The following RREB1 variants were observed in gnomAD, a reference collection of about 807,000 sequenced individuals.
The protein encoded by RREB1 is ras-responsive element-binding protein 1.
RREB1 carries 27 observed loss-of-function variants against 117.8 expected under a neutral mutation model. The observed-to-expected ratio is 0.23, with a 90% CI of 0.17 to 0.32. The LOEUF (loss-of-function observed/expected upper bound fraction) is 0.32. Among genes scored for constraint, RREB1 ranks in the 10% least tolerant of loss-of-function variants. The probability of loss-of-function intolerance (pLI) is 1.00; values close to 1 mark genes in which losing one functional copy is unlikely to be tolerated. For synonymous variants in RREB1, 1,298 were observed against 1,026.7 expected (o/e 1.26, Z -5.05); for missense variants, 2,577 against 2,378.2 (o/e 1.08, Z -1.74).
intron 1 of RREB1, among the ~76,000 whole-genome samples, chr6:7,113,401 T>C (rs1761244719): frequency 6.6e-6 from 1 of 152,256 alleles, no homozygotes; most frequent in South Asian, 2.1e-4. Context: ...CTGATACTTC[T>C]GGTGGTTTAA....
intron 4 of RREB1, chr6:7,184,988 G>A (rs1289750963): frequency 6.6e-6 from 1 of 152,106 alleles, no homozygotes; most frequent in Non-Finnish European, 1.5e-5. Flanking sequence ...TCCTTGTTAT[G>A]TCTTACTTTG....
chr6:7,224,546 C>T (rs1299588642), intron 8 of RREB1, among the ~76,000 whole-genome samples: 4 of 152,056 alleles, frequency 2.6e-5, no homozygotes, highest in Admixed American at 1.3e-4. Flanking sequence ...AAGGAAGGAG[C>T]TCTATCTCCA....
intron 1 of RREB1, among the ~76,000 whole-genome samples, chr6:7,153,115 T>G (rs1212306511): frequency 1.3e-5 from 2 of 151,642 alleles, no homozygotes; most frequent in East Asian, 1.9e-4. Flanking sequence ...GTTTTTTTTT[T>G]TTTTTTTTTT....
intron 6 of RREB1, among the ~76,000 whole-genome samples, chr6:7,204,306 C>G (rs1027846985): frequency 1.3e-5 from 2 of 151,236 alleles, no homozygotes; most frequent in Non-Finnish European, 2.9e-5. Flanking sequence ...TGTCCTCCCC[C>G]CGCCCCCTCC....
At chr6:7,149,389 G>A (rs997784683) in intron 1 of RREB1, among the ~76,000 whole-genome samples, 10 of 152,174 alleles carry the variant, frequency 6.6e-5, no homozygotes, top group African/African-American at 2.4e-4. Flanking sequence ...TGAACTTAAA[G>A]GAAGTCTCAA....
chr6:7,122,861 G>A (rs776476134), intron 1 of RREB1, among the ~76,000 whole-genome samples: 3 of 151,926 alleles, frequency 2.0e-5, no homozygotes, highest in African/African-American at 7.3e-5. Context: ...ATCCAAAATT[G>A]GGGGTGATAA....
chr6:7,178,145 C>T (rs1236468378), intron 2 of RREB1, among the ~76,000 whole-genome samples: 1 of 152,118 alleles, frequency 6.6e-6, no homozygotes, highest in Non-Finnish European at 1.5e-5. Context: ...CAGGTGTGAG[C>T]CACCACACCT....
chr6:7,246,526 A>G lies in RREB1; in HGVS notation c.4076A>G (p.Gln1359Arg), dbSNP rs774227531. The G allele has an allele frequency of 1.2e-4, 184 of 1,546,846 alleles. 1 individual carries two copies. Among genetic ancestry groups the G allele is most frequent in the Middle Eastern group, 1.7e-4 (1 of 6,006 alleles). Reference protein sequence around the residue: ...QPSEGATELRQVAGDAPVEQA... With the variant: ...QPSEGATELRRVAGDAPVEQA... ...TCGGAGGGCGCCACTGAGCTCCGCC[A>G]GGTCGCAGGGGATGCGCCTGTGGAG... The change falls in exon 12 of 13, where the codon CAG (glutamine) becomes CGG (arginine). Residue 1359 changes from glutamine to arginine, a missense_variant. Physicochemically the swap from Gln to Arg is conservative, Grantham distance 43. Coordinates refer to ENST00000379938, the MANE Select transcript of RREB1 (RefSeq NM_001003699.4).
chr6:7,240,311 A>T, intron 10 of RREB1, 127 bp from the exon 11 acceptor site: 1 of 569,100 alleles, frequency 1.8e-6, no homozygotes, highest in Non-Finnish European at 2.9e-6. Context: ...GTGTTTTGTT[A>T]ATTTTCTTGA....
chr6:7,202,355 A>G (rs961487084), intron 6 of RREB1, among the ~76,000 whole-genome samples: 1 of 152,224 alleles, frequency 6.6e-6, no homozygotes, highest in Non-Finnish European at 1.5e-5. Flanking sequence ...GTAAGTAACT[A>G]GGTCCTGCCT....
At chr6:7,151,158 C>T (rs1339142256) in intron 1 of RREB1, among the ~76,000 whole-genome samples, 1 of 152,140 alleles carries the variant, frequency 6.6e-6, no homozygotes, top group Non-Finnish European at 1.5e-5. Flanking sequence ...AAAAGCTTTG[C>T]CCCCTTCACG....
chr6:7,124,290 A>AGG (rs1317568243), intron 1 of RREB1, among the ~76,000 whole-genome samples: 1 of 152,056 alleles, frequency 6.6e-6, no homozygotes, highest in African/African-American at 2.4e-5. Flanking sequence ...GCTCAAGAAA[A>AGG]GGGGGGGAGT....
intron 1 of RREB1, among the ~76,000 whole-genome samples, chr6:7,145,385 C>T (rs1452038607): frequency 6.6e-6 from 1 of 152,214 alleles, no homozygotes. Flanking sequence ...ACTGAAACAT[C>T]ACCAGGAATT....
chr6:7,230,409 C>A lies in RREB1; in HGVS notation c.2310C>A (p.Ile770=). 6.3e-7 allele frequency: 1 copy of A among 1,591,142 alleles called. No individual in the cohort carries two copies. Among genetic ancestry groups the A allele is most frequent in the Non-Finnish European group, 8.5e-7 (1 of 1,173,926 alleles). Reference sequence around the variant, plus strand: ...TCAAGCACTATCGTGCCCTGCGCATCCACATGCGCACGCACTGCGGCCGCG... The same window carrying A: ...TCAAGCACTATCGTGCCCTGCGCATACACATGCGCACGCACTGCGGCCGCG... The part of the protein sequence containing the change: ...EDLKHYRALR[I]HMRTHCGRGL... Residue 770 remains isoleucine, a synonymous_variant, in exon 10 of 13, where the codon ATC becomes ATA. Coordinates refer to ENST00000379938, the MANE Select transcript of RREB1 (RefSeq NM_001003699.4).
At chr6:7,153,237 AT>A (rs559343155) in intron 1 of RREB1, among the ~76,000 whole-genome samples, 1 of 148,044 alleles carries the variant, frequency 6.8e-6, no homozygotes, top group African/African-American at 2.5e-5. Context: ...TAGAACTATT[AT>A]TTTTTTTTAA....
intron 1 of RREB1, among the ~76,000 whole-genome samples, chr6:7,123,365 T>C (rs1353267937): frequency 6.6e-6 from 1 of 152,142 alleles, no homozygotes; most frequent in East Asian, 1.9e-4. Flanking sequence ...TTTCACTGTG[T>C]TGCCCAGGCT....
intron 11 of RREB1, among the ~76,000 whole-genome samples, chr6:7,243,802 T>A (rs1768853579): frequency 6.6e-6 from 1 of 152,144 alleles, no homozygotes; most frequent in Non-Finnish European, 1.5e-5. Flanking sequence ...TATATTTCTT[T>A]GGGTTTTGTT....
At chr6:7,165,658 G>A (rs188257250) in intron 1 of RREB1, among the ~76,000 whole-genome samples, 1 of 152,338 alleles carries the variant, frequency 6.6e-6, no homozygotes, top group East Asian at 1.9e-4. Flanking sequence ...GACCCATGGG[G>A]ACTGGGTGGG....
chr6:7,141,540 C>T lies in RREB1; in HGVS notation c.-285+33480C>T, dbSNP rs548511590. On this transcript the variant is annotated intron_variant, in intron 1 of 12. Coordinates refer to ENST00000379938, the MANE Select transcript of RREB1 (RefSeq NM_001003699.4). The stretch of plus-strand genomic sequence containing the variant: ...CACTTTTAAATTTTCACAAGATTTG[C>T]ATAGACATGAGCATGCCCACTCGCA... Among the ~76,000 whole-genome samples the T allele has an allele frequency of 5.3e-5, 8 of 152,314 alleles. No homozygotes were observed. In the East Asian group the frequency reaches 1.5e-3, roughly 29 times the overall value.
Sources: allele counts gnomAD v4.1 joint callset (sites outside exome capture counted in the v4.1 genomes callset), GRCh38; gene constraint gnomAD v4.1.1; transcripts MANE v1.5; gene names NCBI Gene and HGNC (gene_info 2026-07-23, HGNC 2026-07-21).